The following SLC35D4 variants were observed in gnomAD, a reference collection of about 807,000 sequenced individuals.
SLC35D4 encodes solute carrier family 35 member D4.
the SLC35D4 span, among the ~76,000 whole-genome samples, chr18:23,437,307 C>T: frequency 6.6e-6 from 1 of 151,998 alleles, no homozygotes; most frequent in African/African-American, 2.4e-5. Flanking sequence ...TGGAGACGTA[C>T]AAAAAAATTG....
At chr18:23,272,325 G>A in the SLC35D4 span, among the ~76,000 whole-genome samples, 1 of 152,134 alleles carries the variant, frequency 6.6e-6, no homozygotes, top group African/African-American at 2.4e-5. Flanking sequence ...TCCACCTGTA[G>A]TCCCAGCTAT....
the SLC35D4 span, among the ~76,000 whole-genome samples, chr18:23,416,175 C>T: frequency 1.3e-5 from 2 of 152,168 alleles, no homozygotes; most frequent in Non-Finnish European, 2.9e-5. Context: ...CGTGCCATTG[C>T]CCTCCAGCTT....
the SLC35D4 span, among the ~76,000 whole-genome samples, chr18:23,403,679 A>G: frequency 6.6e-6 from 1 of 152,200 alleles, no homozygotes; most frequent in Admixed American, 6.5e-5. Flanking sequence ...AAAAAGTTGA[A>G]AACGCTTGAC....
At chr18:23,432,051 T>C in the SLC35D4 span, among the ~76,000 whole-genome samples, 1 of 152,206 alleles carries the variant, frequency 6.6e-6, no homozygotes, top group African/African-American at 2.4e-5. Flanking sequence ...CACTTCCTCT[T>C]CTTCCTTGAA....
the SLC35D4 span, among the ~76,000 whole-genome samples, chr18:23,348,514 T>G: frequency 6.6e-6 from 1 of 152,246 alleles, no homozygotes; most frequent in African/African-American, 2.4e-5. Flanking sequence ...TTGGGTGCTG[T>G]TTTAGGTGTA....
chr18:23,428,614 G>A, the SLC35D4 span, among the ~76,000 whole-genome samples: 2 of 151,890 alleles, frequency 1.3e-5, no homozygotes, highest in South Asian at 4.2e-4. Flanking sequence ...AACTCTTAGG[G>A]TCCAACAATC....
chr18:23,391,602 C>T, the SLC35D4 span, among the ~76,000 whole-genome samples: 27,910 of 152,164 alleles, frequency 0.18, 3,759 homozygotes, highest in African/African-American at 0.33. Context: ...ATCCTCCCAC[C>T]TCAGCCTCCT....
the SLC35D4 span, among the ~76,000 whole-genome samples, chr18:23,245,797 C>T: frequency 2.0e-5 from 3 of 152,234 alleles, no homozygotes; most frequent in East Asian, 1.9e-4. Context: ...TTCAAGTGCT[C>T]GACAGTGCAT....
At chr18:23,311,506 A>T in the SLC35D4 span, among the ~76,000 whole-genome samples, 1 of 152,142 alleles carries the variant, frequency 6.6e-6, no homozygotes, top group Non-Finnish European at 1.5e-5. Flanking sequence ...TCTTGGAAAC[A>T]ATGTTGTACT....
the SLC35D4 span, among the ~76,000 whole-genome samples, chr18:23,423,881 G>T: frequency 3.3e-5 from 5 of 152,156 alleles, no homozygotes; most frequent in Non-Finnish European, 5.9e-5. Flanking sequence ...GCACTGGAGA[G>T]GGGGCAGCAA....
the SLC35D4 span, among the ~76,000 whole-genome samples, chr18:23,332,659 T>C: frequency 6.6e-6 from 1 of 151,838 alleles, no homozygotes; most frequent in African/African-American, 2.4e-5. Flanking sequence ...CAGGACTGAC[T>C]TTTTTTTCCC....
chr18:23,361,940 A>G, the SLC35D4 span, among the ~76,000 whole-genome samples: 1 of 152,220 alleles, frequency 6.6e-6, no homozygotes, highest in Admixed American at 6.5e-5. Context: ...GGTTTTTAGT[A>G]TATTCATAGA....
At chr18:23,339,419 C>A in the SLC35D4 span, among the ~76,000 whole-genome samples, 2 of 152,170 alleles carry the variant, frequency 1.3e-5, no homozygotes, top group East Asian at 1.9e-4. Context: ...TAATATAGTT[C>A]CTAGCAGATC....
At chr18:23,338,336 A>C in the SLC35D4 span, among the ~76,000 whole-genome samples, 2 of 152,224 alleles carry the variant, frequency 1.3e-5, no homozygotes. Flanking sequence ...GAACTAGTGA[A>C]TACAAACAGT....
At chr18:23,249,507 C>T in the SLC35D4 span, among the ~76,000 whole-genome samples, 5 of 152,228 alleles carry the variant, frequency 3.3e-5, no homozygotes, top group Non-Finnish European at 5.9e-5. Context: ...GCCCCACCCT[C>T]AGAGACTGTG....
the SLC35D4 span, among the ~76,000 whole-genome samples, chr18:23,292,202 C>T: frequency 6.6e-6 from 1 of 152,186 alleles, no homozygotes; most frequent in East Asian, 1.9e-4. Context: ...AGAATGGTGT[C>T]CTCTCCTGAC....
chr18:23,298,155 C>T, the SLC35D4 span: 2 of 1,477,352 alleles, frequency 1.4e-6, no homozygotes, highest in Non-Finnish European at 9.4e-7. Context: ...AGGGGTGCTT[C>T]CCCTCATCCT....
chr18:23,294,370 G>T, the SLC35D4 span, among the ~76,000 whole-genome samples: 1 of 152,124 alleles, frequency 6.6e-6, no homozygotes, highest in Admixed American at 6.6e-5. Context: ...CACTGTTCAG[G>T]TCTGTGGGCT....
At chr18:23,253,623 C>T in the SLC35D4 span, 19 of 940,506 alleles carry the variant, frequency 2.0e-5, no homozygotes, top group Non-Finnish European at 3.1e-5. Context: ...CCAGATCACC[C>T]TCTGGGAAAG....
Sources: allele counts gnomAD v4.1 joint callset (sites outside exome capture counted in the v4.1 genomes callset), GRCh38; gene constraint gnomAD v4.1.1; transcripts MANE v1.5; gene names NCBI Gene and HGNC (gene_info 2026-07-23, HGNC 2026-07-21).